Variants in C8orf34 observed in about 807,000 individuals in gnomAD.
The protein encoded by C8orf34 is uncharacterized protein C8orf34.
Under a neutral mutation model 68.3 loss-of-function variants are expected in C8orf34, and 65 were observed. The observed-to-expected ratio is 0.95, with a 90% CI of 0.78 to 1.17. The LOEUF is 1.17. Ranked by LOEUF, C8orf34 falls within the 50% of genes most tolerant of loss-of-function variation. The probability of loss-of-function intolerance (pLI) is 0.00; values close to 1 mark genes in which losing one functional copy is unlikely to be tolerated. For synonymous variants in C8orf34, 244 were observed against 241.2 expected (o/e 1.01, Z -0.11); for missense variants, 664 against 655.4 (o/e 1.01, Z -0.14).
intron 7 of C8orf34, among the ~76,000 whole-genome samples, chr8:68,566,470 T>G (rs1268477750): frequency 6.6e-6 from 1 of 152,244 alleles, no homozygotes; most frequent in Non-Finnish European, 1.5e-5. Flanking sequence ...CTAGATCTTC[T>G]GGATAACTTG....
chr8:68,615,349 G>A (rs1818171982), intron 7 of C8orf34, among the ~76,000 whole-genome samples: 1 of 149,262 alleles, frequency 6.7e-6, no homozygotes, highest in Non-Finnish European at 1.5e-5. Flanking sequence ...GGTGAGAGAG[G>A]GCATCCCTGT....
intron 1 of C8orf34, among the ~76,000 whole-genome samples, chr8:68,376,337 G>A (rs973658190): frequency 6.6e-6 from 1 of 152,140 alleles, no homozygotes; most frequent in African/African-American, 2.4e-5. Context: ...ACAGAGCATG[G>A]ATACAAATAG....
chr8:68,463,916 A>G (rs1336351867), intron 3 of C8orf34, among the ~76,000 whole-genome samples: 1 of 152,200 alleles, frequency 6.6e-6, no homozygotes, highest in Non-Finnish European at 1.5e-5. Context: ...ACTCCTATTC[A>G]ACATAGTGTT....
At chr8:68,515,818 T>TG (rs765575949) in intron 5 of C8orf34, among the ~76,000 whole-genome samples, 28 of 152,346 alleles carry the variant, frequency 1.8e-4, no homozygotes, top group Non-Finnish European at 3.1e-4. Context: ...GCTGATGTGA[T>TG]GTACTGGCCT....
At chr8:68,346,600 G>C (rs1585956507) in intron 1 of C8orf34, among the ~76,000 whole-genome samples, 1 of 151,862 alleles carries the variant, frequency 6.6e-6, no homozygotes, top group Non-Finnish European at 1.5e-5. Context: ...TTGCCTATCT[G>C]TCTCTCCCTC....
chr8:68,486,641 G>C (rs1157476436), intron 4 of C8orf34, among the ~76,000 whole-genome samples: 1 of 152,062 alleles, frequency 6.6e-6, no homozygotes, highest in Non-Finnish European at 1.5e-5. Context: ...TTAGGTTAGT[G>C]GTGTGGGAGA....
At chr8:68,388,481 A>G (rs1808352347) in intron 1 of C8orf34, among the ~76,000 whole-genome samples, 1 of 152,084 alleles carries the variant, frequency 6.6e-6, no homozygotes. Context: ...CTTCTATTAA[A>G]AAATCTCCTA....
At chr8:68,625,252 G>A (rs1189087241) in intron 7 of C8orf34, among the ~76,000 whole-genome samples, 1 of 152,122 alleles carries the variant, frequency 6.6e-6, no homozygotes, top group African/African-American at 2.4e-5. Context: ...TATAGAAAGA[G>A]GCTAGGGCTG....
rs78947716 is a variant in C8orf34 at position 68,562,022 on chromosome 8, T to G, written c.1105+28873T>G. Among the ~76,000 whole-genome samples the G allele has an allele frequency of 8.9e-3, 1,350 of 152,280 alleles. 24 individuals are homozygous for G. The highest frequency in any genetic ancestry group is 0.031 in the African/African-American group (1,289 of 41,564). ...GAAGGAGTATGCTCTAGAATTATAA[T>G]AAAAAGTATAGTATGGTAGATACAT... On this transcript the variant is annotated intron_variant, in intron 7 of 13. Transcript: ENST00000518698.
chr8:68,474,151 C>T (rs1410932631), intron 4 of C8orf34, among the ~76,000 whole-genome samples: 2 of 152,256 alleles, frequency 1.3e-5, no homozygotes, highest in Admixed American at 1.3e-4. Flanking sequence ...TATTTCCATC[C>T]ACACCTTTTA....
At chr8:68,676,465 A>T (rs1820194510) in intron 8 of C8orf34, among the ~76,000 whole-genome samples, 1 of 152,228 alleles carries the variant, frequency 6.6e-6, no homozygotes, top group Non-Finnish European at 1.5e-5. Flanking sequence ...AGCATTGCAC[A>T]GATCATTCAG....
At chr8:68,660,301 A>G (rs1290322960) in intron 8 of C8orf34, among the ~76,000 whole-genome samples, 1 of 152,174 alleles carries the variant, frequency 6.6e-6, no homozygotes, top group Non-Finnish European at 1.5e-5. Context: ...CCCAGTGAAT[A>G]CCAGGGGTAT....
rs992742745 is a variant in C8orf34 at position 68,648,182 on chromosome 8, G to A, written c.1241+7671G>A. Among the ~76,000 whole-genome samples, 13 of 152,126 alleles carry A rather than the reference G, an allele frequency of 8.5e-5. No individual in the cohort carries two copies. In the East Asian group the frequency reaches 1.3e-3, roughly 16 times the overall value. The stretch of plus-strand genomic sequence containing the variant: ...TCCACAAATACAGTTAGATATCCTC[G>A]AATGATATGGGCCAAACAAGCTGCA... On this transcript the variant is annotated intron_variant, in intron 8 of 13. Coordinates refer to ENST00000518698, the MANE Select transcript of C8orf34 (RefSeq NM_052958.4).
intron 4 of C8orf34, among the ~76,000 whole-genome samples, chr8:68,479,954 A>T (rs1812788721): frequency 6.6e-6 from 1 of 152,214 alleles, no homozygotes; most frequent in African/African-American, 2.4e-5. Context: ...TACATTTTAA[A>T]AGAGTTATTT....
intron 1 of C8orf34, among the ~76,000 whole-genome samples, chr8:68,370,578 T>C (rs1420802961): frequency 6.6e-6 from 1 of 152,160 alleles, no homozygotes; most frequent in South Asian, 2.1e-4. Context: ...AGTGGGTGAA[T>C]GTCCAGTGTG....
In C8orf34 at chr8:68,521,246, G is replaced by T. The variant is rs548896820; in HGVS notation, c.766-553G>T. On this transcript the variant is annotated intron_variant, in intron 5 of 13. Coordinates refer to ENST00000518698, the MANE Select transcript of C8orf34 (RefSeq NM_052958.4). ...GTATTTTAATAGCTGTATCATATCC[G>T]AGTCCATGAAAACAGATTACTAACA... Among the ~76,000 whole-genome samples, 9 of 152,166 alleles carry T rather than the reference G, an allele frequency of 5.9e-5. No individual in the cohort carries two copies. In the South Asian group the frequency reaches 1.7e-3, roughly 28 times the overall value.
At chr8:68,392,503 T>C (rs913117656) in intron 1 of C8orf34, among the ~76,000 whole-genome samples, 4 of 151,798 alleles carry the variant, frequency 2.6e-5, no homozygotes, top group African/African-American at 9.7e-5. Flanking sequence ...GTAACTTTTT[T>C]ATATTTTCTC....
chr8:68,673,633 A>G (rs1820088389), intron 8 of C8orf34, among the ~76,000 whole-genome samples: 1 of 152,136 alleles, frequency 6.6e-6, no homozygotes. Flanking sequence ...ATACAGCACC[A>G]AGTAGATTCC....
chr8:68,401,360 C>G (rs1243469207), intron 1 of C8orf34, among the ~76,000 whole-genome samples: 1 of 152,086 alleles, frequency 6.6e-6, no homozygotes, highest in African/African-American at 2.4e-5. Context: ...ATTTGGATGC[C>G]TTTTATTCCT....
Sources: allele counts gnomAD v4.1 joint callset (sites outside exome capture counted in the v4.1 genomes callset), GRCh38; gene constraint gnomAD v4.1.1; transcripts MANE v1.5; gene names NCBI Gene and HGNC (gene_info 2026-07-23, HGNC 2026-07-21).